The following ZNF787 variants were observed in gnomAD, a reference collection of about 807,000 sequenced individuals.
ZNF787 encodes zinc finger protein 787.
A neutral mutation model predicts 16.9 loss-of-function variants in ZNF787; 7 were observed. That is an observed-to-expected ratio of 0.42 (90% CI 0.24 to 0.78). The LOEUF (loss-of-function observed/expected upper bound fraction) is 0.78, where lower values mean the gene tolerates loss of function less well. Ranked by LOEUF, ZNF787 falls within the 30% of genes least tolerant of loss-of-function variation. The pLI is 0.30. For synonymous variants in ZNF787, 345 were observed against 270.9 expected (o/e 1.27, Z -2.69); for missense variants, 551 against 589.3 (o/e 0.94, Z 0.67).
Position 56,088,043 on chromosome 19 carries a change from G to T in ZNF787, c.1129C>A (p.Arg377Ser). The change falls in exon 3 of 3, where the codon CGC becomes AGC. Residue 377 changes from arginine to serine, a missense_variant. Physicochemically the swap from Arg to Ser is moderately radical, Grantham distance 110 (BLOSUM62 -1). Transcript: ENST00000610935. The surrounding 1 kb of genome is among the most constrained non-coding windows in gnomAD (Gnocchi z 8.6). ...CTCCCCTACCGGCCCTCCCCACCGC[G>T]GCACTCGGGGCACCGCCCGCCCGCG... ...EAAGGRCPECRGGEGR is the reference protein window; with the variant it reads ...EAAGGRCPECSGGEGR 2 of 1,125,298 alleles carry T rather than the reference G, an allele frequency of 1.8e-6. No homozygotes were observed. The highest frequency in any genetic ancestry group is 2.2e-6 in the Non-Finnish European group (2 of 906,686). 69.7% of individuals were successfully genotyped at this position (1,125,298 alleles called of 1,614,324 possible). A position where few individuals can be genotyped will look rare whatever the true frequency, so the allele number is the denominator to read the frequency against.
chr19:56,114,854 G>A (rs2030085797), intron 1 of ZNF787, among the ~76,000 whole-genome samples: 1 of 152,030 alleles, frequency 6.6e-6, no homozygotes, highest in African/African-American at 2.4e-5. Context: ...CCGCCGCAGA[G>A]CCCTCTCCTG....
chr19:56,087,893 G>A lies in ZNF787; in HGVS notation c.*130C>T. Reference sequence around the variant, plus strand: ...CACGGACGGCGCAGGGACAGAGGAGGGCGGGGAGCCGGGGATGCCGCGGGG... The same window carrying A: ...CACGGACGGCGCAGGGACAGAGGAGAGCGGGGAGCCGGGGATGCCGCGGGG... On this transcript the variant is annotated 3_prime_UTR_variant, in exon 3 of 3. Transcript: ENST00000610935. The A allele has an allele frequency of 1.6e-6, 2 of 1,266,748 alleles. No individual in the cohort carries two copies. Among genetic ancestry groups the A allele is most frequent in the South Asian group, 2.3e-5 (1 of 43,800 alleles). 78.5% of individuals were successfully genotyped at this position (1,266,748 alleles called of 1,614,324 possible). A position where few individuals can be genotyped will look rare whatever the true frequency, so the allele number is the denominator to read the frequency against.
rs1025232366 is a variant in ZNF787, at chr19:56,087,962, C to T, written c.*61G>A. Reference sequence around the variant, plus strand: ...CTTCTCCCTGGGTCTCTTGGTCTTGCACGTCGTCGCTCCCGCCAAGCCCGA... The same window carrying T: ...CTTCTCCCTGGGTCTCTTGGTCTTGTACGTCGTCGCTCCCGCCAAGCCCGA... On this transcript the variant is annotated 3_prime_UTR_variant, in exon 3 of 3. Transcript: ENST00000610935. 35 of 1,298,302 alleles carry T rather than the reference C, an allele frequency of 2.7e-5. No individual in the cohort carries two copies. The highest frequency in any genetic ancestry group is 3.5e-5 in the East Asian group (1 of 28,782). 80.4% of individuals were successfully genotyped at this position (1,298,302 alleles called of 1,614,324 possible).
chr19:56,112,387 G>C (rs1013353480), intron 1 of ZNF787, among the ~76,000 whole-genome samples: 2 of 152,178 alleles, frequency 1.3e-5, no homozygotes, highest in African/African-American at 4.8e-5. Flanking sequence ...CTCCGCTGCA[G>C]AGAGGAAGCA....
At chr19:56,105,535 C>T (rs923417914) in intron 1 of ZNF787, 7 of 152,284 alleles carry the variant, frequency 4.6e-5, no homozygotes, top group Non-Finnish European at 7.3e-5. Context: ...CTACCTCCCA[C>T]GGTAGAGATT....
intron 2 of ZNF787, chr19:56,102,620 C>G: frequency 2.1e-6 from 1 of 478,022 alleles, no homozygotes; most frequent in Non-Finnish European, 3.7e-6. Flanking sequence ...AAAACCCAAA[C>G]TGACAACTTT....
intron 2 of ZNF787, among the ~76,000 whole-genome samples, chr19:56,097,503 G>C (rs776301582): frequency 1.5e-4 from 23 of 152,236 alleles, no homozygotes; most frequent in Non-Finnish European, 3.1e-4. Flanking sequence ...GCGGGCCTCA[G>C]CCCGGCAGGC....
chr19:56,087,916 G>T lies in ZNF787; in HGVS notation c.*107C>A. 1 of 1,278,306 alleles carries T rather than the reference G, an allele frequency of 7.8e-7. No individual in the cohort carries two copies. Among genetic ancestry groups the T allele is most frequent in the Non-Finnish European group, 9.9e-7 (1 of 1,012,784 alleles). The allele number at this position is 1,278,306 out of a possible 1,614,324, so 79.2% of individuals were successfully genotyped here. On this transcript the variant is annotated 3_prime_UTR_variant, in exon 3 of 3. Transcript: ENST00000610935. ...AGGGCGGGGAGCCGGGGATGCCGCG[G>T]GGTCCATCGCACCCCGTCCGCTTCT...
At chr19:56,097,682 C>T (rs749403596) in intron 2 of ZNF787, among the ~76,000 whole-genome samples, 1 of 152,238 alleles carries the variant, frequency 6.6e-6, no homozygotes, top group African/African-American at 2.4e-5. Context: ...TGTGTTCCTG[C>T]GTGCAGGCAC....
chr19:56,092,357 A>G (rs1195368881), intron 2 of ZNF787, among the ~76,000 whole-genome samples: 1 of 152,126 alleles, frequency 6.6e-6, no homozygotes, highest in Non-Finnish European at 1.5e-5. Context: ...TGAAGGACTC[A>G]GCTGAGGTCC....
chr19:56,095,447 C>T (rs1018931959), intron 2 of ZNF787, among the ~76,000 whole-genome samples: 3 of 152,166 alleles, frequency 2.0e-5, no homozygotes, highest in Non-Finnish European at 2.9e-5. Flanking sequence ...TTTTCTGTTG[C>T]TCATTTTATG....
intron 1 of ZNF787, among the ~76,000 whole-genome samples, chr19:56,103,790 C>T (rs1230345461): frequency 2.7e-5 from 4 of 150,384 alleles, no homozygotes; most frequent in Non-Finnish European, 4.5e-5. Context: ...TGCCACGCAC[C>T]AGGAGGGTCT....
At chr19:56,111,350 A>C (rs768257966) in intron 1 of ZNF787, among the ~76,000 whole-genome samples, 3 of 152,000 alleles carry the variant, frequency 2.0e-5, no homozygotes, top group East Asian at 1.9e-4. Flanking sequence ...GCTGCCCTGG[A>C]ATTCCTGGTC....
chr19:56,105,711 CTTCT>C (rs989890303), intron 1 of ZNF787, among the ~76,000 whole-genome samples: 7 of 152,170 alleles, frequency 4.6e-5, no homozygotes, highest in Admixed American at 6.5e-5. Context: ...AGGGCCCACA[CTTCT>C]TTATTAAAAC....
intron 2 of ZNF787, among the ~76,000 whole-genome samples, chr19:56,092,361 G>C (rs902198655): frequency 1.3e-5 from 2 of 152,126 alleles, no homozygotes; most frequent in Non-Finnish European, 2.9e-5. Context: ...GGACTCAGCT[G>C]AGGTCCCGAG....
At chr19:56,111,580 G>A (rs2029980726) in intron 1 of ZNF787, among the ~76,000 whole-genome samples, 2 of 152,128 alleles carry the variant, frequency 1.3e-5, no homozygotes, top group African/African-American at 4.8e-5. Context: ...AGGGGCCGGG[G>A]GCAGCAGAGG....
At chr19:56,093,089 A>G (rs1348173056) in intron 2 of ZNF787, among the ~76,000 whole-genome samples, 3 of 140,370 alleles carry the variant, frequency 2.1e-5, no homozygotes, top group African/African-American at 2.7e-5. Flanking sequence ...GCGGAAGTGG[A>G]ATATTCCATA....
In ZNF787 at chr19:56,088,106, G is replaced by A. The variant is rs763783130; in HGVS notation, c.1066C>T (p.Arg356Cys). ...VCSSCGQSYY[R>C]AGGEEEDDDD... ...TCGTCCTCCTCCTCCCCGCCCGCGCGGTAGTAGCTCTGTCCGCAGCTGCTG... is the reference window on the plus strand; with the variant it reads ...TCGTCCTCCTCCTCCCCGCCCGCGCAGTAGTAGCTCTGTCCGCAGCTGCTG... The change falls in exon 3 of 3, where the codon CGC becomes TGC. Residue 356 changes from arginine (R) to cysteine (C), a missense_variant. Coordinates refer to ENST00000610935, the MANE Select transcript of ZNF787 (RefSeq NM_001002836.4). The surrounding 1 kb of genome is among the most constrained non-coding windows in gnomAD (Gnocchi z 8.6). 1.4e-5 allele frequency: 22 copies of A among 1,528,352 alleles called. No homozygotes were observed. Among genetic ancestry groups the A allele is most frequent in the Non-Finnish European group, 1.6e-5 (18 of 1,145,246 alleles). The allele number at this position is 1,528,352 out of a possible 1,614,324, so 94.7% of individuals were successfully genotyped here. A position where few individuals can be genotyped will look rare whatever the true frequency, so the allele number is the denominator to read the frequency against.
Position 56,112,933 on chromosome 19 carries a change from C to T in ZNF787, c.-11+8239G>A, listed in dbSNP as rs1055963744. 2.4e-4 allele frequency among the ~76,000 whole-genome samples: 36 copies of T among 149,968 alleles called. No homozygotes were observed. The Middle Eastern group carries it at 0.01, about 43-fold the overall frequency. On this transcript the variant is annotated intron_variant, in intron 1 of 2. Transcript: ENST00000610935. ...GGCTCTGGCCCTTTCCTCCCTCCCA[C>T]CCTCACTCTCTTCTCCCCATTCCCC...
Sources: gnomAD v4.1 joint callset for allele counts (sites outside exome capture counted in the v4.1 genomes callset) on GRCh38, gnomAD v4.1.1 for gene constraint, Gnocchi (gnomAD v3.1) non-coding constraint, MANE v1.5 for transcripts, NCBI Gene and HGNC (gene_info 2026-07-23, HGNC 2026-07-21) for gene names.